The following FRMPD1 variants were observed in gnomAD, a reference collection of about 807,000 sequenced individuals.
FRMPD1 encodes the protein FERM and PDZ domain-containing protein 1.
In FRMPD1, 76 loss-of-function variants were observed where a neutral mutation model predicts 117.8. The observed-to-expected ratio is 0.65, with a 90% CI of 0.54 to 0.78. The LOEUF (loss-of-function observed/expected upper bound fraction) is 0.78. Among genes scored for constraint, FRMPD1 ranks in the 30% least tolerant of loss-of-function variants. FRMPD1 has a pLI of 0.00. For missense variants in FRMPD1, 1,786 were observed against 1,964.5 expected (o/e 0.91, Z 1.72); for synonymous variants, 783 against 770.4 (o/e 1.02, Z -0.27).
Position 37,724,163 on chromosome 9 carries a change from G to A in FRMPD1, c.517-62G>A. 6 of 834,716 alleles carry A rather than the reference G, an allele frequency of 7.2e-6. No individual in the cohort carries two copies. The Admixed American group carries it at 9.0e-5, about 13-fold the overall frequency. The allele number at this position is 834,716 out of a possible 1,614,324, so 51.7% of individuals were successfully genotyped here. On this transcript the variant is annotated intron_variant, in intron 6 of 15. Coordinates refer to ENST00000377765, the MANE Select transcript of FRMPD1 (RefSeq NM_014907.3). Reference sequence around the variant, plus strand: ...TTCTCCAGCCTGGGTGACAGAGAGAGACCCTGTCTCCAGAAGGAATAAAAA... The same window carrying A: ...TTCTCCAGCCTGGGTGACAGAGAGAAACCCTGTCTCCAGAAGGAATAAAAA...
At chr9:37,735,880 C>A in intron 13 of FRMPD1, 146 bp downstream of exon 13, 1 of 621,940 alleles carries the variant, frequency 1.6e-6, no homozygotes, top group Non-Finnish European at 2.7e-6. Context: ...CCTGTTCTAT[C>A]AAACGGAAAG....
At chr9:37,736,951 GAGGATATGGGGCACC>G in intron 13 of FRMPD1, 130 bp from the exon 14 acceptor site, 1 of 654,726 alleles carries the variant, frequency 1.5e-6, no homozygotes, top group Non-Finnish European at 2.7e-6. Context: ...CCTTGCAAGT[GAGGATATGGGGCACC>G]AGGAGACCTA....
At chr9:37,722,281 C>T (rs1435487007) in intron 6 of FRMPD1, among the ~76,000 whole-genome samples, 1 of 151,278 alleles carries the variant, frequency 6.6e-6, no homozygotes, top group African/African-American at 2.4e-5. Context: ...TGCACTCCAG[C>T]CTGAGCAACA....
At chr9:37,726,677 G>A (rs371537049) in intron 7 of FRMPD1, among the ~76,000 whole-genome samples, 25 of 151,984 alleles carry the variant, frequency 1.6e-4, no homozygotes, top group African/African-American at 4.6e-4. Context: ...CAGCCTGGGC[G>A]ATGAGAGCGA....
the FRMPD1 span, among the ~76,000 whole-genome samples, chr9:37,610,821 C>T: frequency 6.6e-6 from 1 of 152,056 alleles, no homozygotes; most frequent in Non-Finnish European, 1.5e-5. Flanking sequence ...AGACTGGTCT[C>T]GAACTCCCAA....
rs371980168 is a variant in FRMPD1 at position 37,740,298 on chromosome 9, C to G, written c.1770C>G (p.Ser590=). The G allele has an allele frequency of 3.7e-6, 6 of 1,613,548 alleles. No individual in the cohort carries two copies. The highest frequency in any genetic ancestry group is 5.1e-6 in the Non-Finnish European group (6 of 1,179,846). Residue 590 remains serine, a synonymous_variant, in exon 15 of 16, where the codon TCC becomes TCG. Transcript: ENST00000377765. The surrounding 1 kb of genome is among the most constrained non-coding windows in gnomAD (Gnocchi z 4.2). ...CAGACAGTGCCGAGTCCGAGGCGTC[C>G]GACTCAGCCAACACTGAGAGCCGCG... ...STTDSAESEA[S]DSANTESRGY... is the part of the protein sequence containing the mutation.
chr9:37,631,488 A>G, the FRMPD1 span, among the ~76,000 whole-genome samples: 1 of 152,260 alleles, frequency 6.6e-6, no homozygotes, highest in African/African-American at 2.4e-5. Flanking sequence ...GTTTGTCGAA[A>G]GAGACAAATA....
intron 15 of FRMPD1, among the ~76,000 whole-genome samples, 188 bp from the exon 16 acceptor site, chr9:37,744,197 TAAAA>T (rs1416200193): frequency 6.6e-6 from 1 of 151,136 alleles, no homozygotes; most frequent in Non-Finnish European, 1.5e-5. Context: ...CTCAAAAAAA[TAAAA>T]AAAAATCTGT....
chr9:37,719,293 T>C (rs1823290421), intron 6 of FRMPD1, 117 bp downstream of exon 6: 1 of 692,596 alleles, frequency 1.4e-6, no homozygotes. Context: ...TGCAGTGTGT[T>C]TGCAAGAGGC....
Position 37,746,161 on chromosome 9 carries a change from G to A in FRMPD1, c.4129G>A (p.Val1377Ile). ...ACCGCCCTCTGCGGGAAGCCCGGTG[G>A]TTCTGCCCTGGAGGCCTGCCCGAGC... is the stretch of plus-strand genomic sequence containing the variant. ...TSPPSAGSPVVLPWRPARAHS... is the reference protein window; with the variant it reads ...TSPPSAGSPVILPWRPARAHS... Residue 1377 changes from valine to isoleucine, a missense_variant, in exon 16 of 16, where the codon GTT (valine) becomes ATT (isoleucine). Transcript: ENST00000377765. 3 of 1,613,776 alleles carry A rather than the reference G, an allele frequency of 1.9e-6. No individual in the cohort carries two copies. Among genetic ancestry groups the A allele is most frequent in the Non-Finnish European group, 1.7e-6 (2 of 1,180,006 alleles).
Position 37,746,302 on chromosome 9 carries a change from C to G in FRMPD1, c.4270C>G (p.Gln1424Glu), listed in dbSNP as rs1209140426. 2 of 1,612,648 alleles carry G rather than the reference C, an allele frequency of 1.2e-6. No homozygotes were observed. The highest frequency in any genetic ancestry group is 1.1e-5 in the South Asian group (1 of 91,070). ...TGCCAGCACCCCTGAGGGCTTCATC[C>G]AACTCATGGAGAGCTTGCTGGAGCT... Reference protein sequence around the residue: ...TPASTPEGFIQLMESLLELQD... With the variant: ...TPASTPEGFIELMESLLELQD... The change falls in exon 16 of 16, where the codon CAA becomes GAA. Residue 1424 changes from glutamine to glutamate, a missense_variant. Transcript: ENST00000377765.
intron 1 of FRMPD1, among the ~76,000 whole-genome samples, chr9:37,657,181 C>T (rs1395968423): frequency 2.0e-5 from 3 of 152,174 alleles, no homozygotes; most frequent in Admixed American, 6.5e-5. Flanking sequence ...TGCTGTGCTT[C>T]CTGTTCTTTG....
At chr9:37,603,522 A>C in the FRMPD1 span, among the ~76,000 whole-genome samples, 14,418 of 152,202 alleles carry the variant, frequency 0.095, 855 homozygotes, top group Middle Eastern at 0.15. Context: ...TTTAACTCAG[A>C]TCCATCAGAA....
the FRMPD1 span, chr9:37,637,065 A>G: frequency 6.5e-7 from 1 of 1,550,124 alleles, no homozygotes; most frequent in South Asian, 1.1e-5. Flanking sequence ...CCCCGGTAGT[A>G]GCTGGAAGTG....
Position 37,740,081 on chromosome 9 carries a change from A to G in FRMPD1, c.1553A>G (p.Tyr518Cys), listed in dbSNP as rs1219473942. 22 of 1,589,342 alleles carry G rather than the reference A, an allele frequency of 1.4e-5. No individual in the cohort carries two copies. The highest frequency in any genetic ancestry group is 1.7e-5 in the Non-Finnish European group (20 of 1,165,958). The stretch of plus-strand genomic sequence containing the variant: ...GTTGCTGTACCCTGTGTTGCAGGCT[A>G]TGAATCCAGGGCCTGCAGTGACTCA... ...QAHRVSAEEG[Y>C]ESRACSDSEE... The change falls in exon 15 of 16, where the codon TAT becomes TGT. Residue 518 changes from tyrosine (Y) to cysteine (C), a missense_variant. Physicochemically the swap from Tyr to Cys is radical, Grantham distance 194. Coordinates refer to ENST00000377765, the MANE Select transcript of FRMPD1 (RefSeq NM_014907.3). This position sits in a 1 kb window ranked among gnomAD's most constrained non-coding sequence, Gnocchi z 4.2.
At chr9:37,634,974 A>C in the FRMPD1 span, among the ~76,000 whole-genome samples, 1 of 151,918 alleles carries the variant, frequency 6.6e-6, no homozygotes, top group Non-Finnish European at 1.5e-5. Flanking sequence ...GTATGAAAGT[A>C]TCTTTATTAT....
the FRMPD1 span, among the ~76,000 whole-genome samples, chr9:37,622,162 C>A: frequency 6.6e-6 from 1 of 152,272 alleles, no homozygotes; most frequent in East Asian, 1.9e-4. Context: ...AGGAGCTCCC[C>A]AGCTGTCTGG....
chr9:37,653,285 G>A lies in FRMPD1; in HGVS notation c.-5+2191G>A, dbSNP rs936527160. Among the ~76,000 whole-genome samples the A allele has an allele frequency of 2.6e-5, 4 of 152,200 alleles. No homozygotes were observed. The East Asian group carries it at 7.7e-4, about 29-fold the overall frequency. ...CTAATAGGATGTTTGCATGTAATAG[G>A]TGTTGGATAAAAGTCAATTCTTTTT... On this transcript the variant is annotated intron_variant, in intron 1 of 15. Coordinates refer to ENST00000377765, the MANE Select transcript of FRMPD1 (RefSeq NM_014907.3).
chr9:37,618,618 C>A, the FRMPD1 span, among the ~76,000 whole-genome samples: 2 of 152,150 alleles, frequency 1.3e-5, no homozygotes, highest in Admixed American at 6.5e-5. Context: ...CAGATTGGTC[C>A]AAATTAACCT....
Sources: allele counts gnomAD v4.1 joint callset (sites outside exome capture counted in the v4.1 genomes callset), GRCh38; gene constraint gnomAD v4.1.1; non-coding constraint Gnocchi (gnomAD v3.1); transcripts MANE v1.5; gene names NCBI Gene and HGNC (gene_info 2026-07-23, HGNC 2026-07-21).